PHLDB2: variants seen among roughly 807,000 people sequenced by gnomAD.
PHLDB2 encodes pleckstrin homology-like domain family B member 2.
A neutral mutation model predicts 123.6 loss-of-function variants in PHLDB2; 71 were observed. That is an observed-to-expected ratio of 0.57 (90% confidence interval 0.47 to 0.70). The LOEUF is 0.70. Ranked by LOEUF, PHLDB2 falls within the 30% of genes least tolerant of loss-of-function variation. The pLI is 0.00. For missense variants in PHLDB2, 1,446 were observed against 1,519.5 expected, an observed-to-expected ratio of 0.95 and a Z score of 0.80; for synonymous variants, 547 against 541.6, an observed-to-expected ratio of 1.01 and a Z score of -0.14.
At chr3:111,850,976 A>T (rs1006013845) in intron 2 of PHLDB2, among the ~76,000 whole-genome samples, 9 of 151,856 alleles carry the variant, frequency 5.9e-5, no homozygotes, top group African/African-American at 2.2e-4. Flanking sequence ...CAGGCAGATC[A>T]CGAGGTCAGG....
intron 1 of PHLDB2, among the ~76,000 whole-genome samples, chr3:111,734,178 C>T (rs1418898588): frequency 6.6e-6 from 1 of 152,176 alleles, no homozygotes; most frequent in Non-Finnish European, 1.5e-5. Context: ...AGATATTAAG[C>T]ACTGCAAAAT....
chr3:111,889,979 A>G (rs950327837), intron 2 of PHLDB2, among the ~76,000 whole-genome samples: 1 of 152,180 alleles, frequency 6.6e-6, no homozygotes, highest in Non-Finnish European at 1.5e-5. Context: ...AAAAGTGAAC[A>G]CTAGAACACA....
chr3:111,958,486 A>G (rs1054800056), intron 12 of PHLDB2, among the ~76,000 whole-genome samples: 1 of 152,222 alleles, frequency 6.6e-6, no homozygotes, highest in Non-Finnish European at 1.5e-5. Flanking sequence ...GAGACTTTTC[A>G]GGTCCAATTA....
chr3:111,910,014 T>G (rs1214619673), intron 2 of PHLDB2, among the ~76,000 whole-genome samples: 1 of 152,124 alleles, frequency 6.6e-6, no homozygotes, highest in Non-Finnish European at 1.5e-5. Flanking sequence ...TTGGATGGGT[T>G]TAGGAGATGG....
At chr3:111,758,558 G>A (rs982407594) in intron 1 of PHLDB2, among the ~76,000 whole-genome samples, 6 of 152,284 alleles carry the variant, frequency 3.9e-5, no homozygotes, top group East Asian at 1.9e-4. Context: ...TGCACTTCCC[G>A]AGTGAGGCAA....
chr3:111,900,081 C>T (rs1224328539), intron 2 of PHLDB2, among the ~76,000 whole-genome samples: 1 of 152,208 alleles, frequency 6.6e-6, no homozygotes, highest in Non-Finnish European at 1.5e-5. Flanking sequence ...TTTTCTTCTG[C>T]AGCTTCTTCA....
At chr3:111,867,408 G>A (rs1386297279) in intron 1 of PHLDB2, among the ~76,000 whole-genome samples, 2 of 151,556 alleles carry the variant, frequency 1.3e-5, no homozygotes, top group South Asian at 2.1e-4. Context: ...AAATTTAAAT[G>A]TATACTAAAA....
At chr3:111,733,615 T>A (rs1460924983) in intron 1 of PHLDB2, among the ~76,000 whole-genome samples, 1 of 152,198 alleles carries the variant, frequency 6.6e-6, no homozygotes, top group Non-Finnish European at 1.5e-5. Flanking sequence ...TGGAGGTCTA[T>A]GGGGAAGAAG....
chr3:111,921,005 T>C (rs2107531317), intron 5 of PHLDB2, among the ~76,000 whole-genome samples: 1 of 152,368 alleles, frequency 6.6e-6, no homozygotes, highest in African/African-American at 2.4e-5. Context: ...GAGAAAGCTA[T>C]CTGTGAAACA....
chr3:111,904,684 A>T (rs2067410856), intron 2 of PHLDB2, among the ~76,000 whole-genome samples: 1 of 151,910 alleles, frequency 6.6e-6, no homozygotes, highest in Non-Finnish European at 1.5e-5. Flanking sequence ...GGAGGGAGGG[A>T]CTTGAGTACA....
chr3:111,815,454 G>A (rs946545982), intron 1 of PHLDB2, among the ~76,000 whole-genome samples: 3 of 152,178 alleles, frequency 2.0e-5, no homozygotes, highest in African/African-American at 7.2e-5. Flanking sequence ...CCAGGCTGAG[G>A]TGGTCTCAGA....
intron 1 of PHLDB2, among the ~76,000 whole-genome samples, chr3:111,863,923 C>T (rs539422764): frequency 2.7e-4 from 41 of 152,296 alleles, no homozygotes; most frequent in African/African-American, 8.9e-4. Flanking sequence ...CCATTAGGCT[C>T]ATGATTATAG....
At chr3:111,744,269 G>A (rs1174134456) in intron 1 of PHLDB2, among the ~76,000 whole-genome samples, 1 of 152,166 alleles carries the variant, frequency 6.6e-6, no homozygotes, top group Non-Finnish European at 1.5e-5. Flanking sequence ...TTATGAGATT[G>A]GCAATAATTG....
chr3:111,836,082 A>G, intron 1 of PHLDB2, among the ~76,000 whole-genome samples: 1 of 152,216 alleles, frequency 6.6e-6, no homozygotes, highest in Middle Eastern at 3.2e-3. Context: ...AGACATGCCA[A>G]TGTCCTTTCA....
intron 1 of PHLDB2, among the ~76,000 whole-genome samples, chr3:111,834,153 A>ATATAT (rs1204590235): frequency 1.3e-5 from 1 of 75,214 alleles, no homozygotes; most frequent in Non-Finnish European, 2.6e-5. Flanking sequence ...ATAGAATTAT[A>ATATAT]TATATTATAT....
chr3:111,967,745 A>T lies in PHLDB2; in HGVS notation c.3236A>T (p.Lys1079Ile). The T allele has an allele frequency of 2.5e-6, 4 of 1,613,148 alleles. No homozygotes were observed. Among genetic ancestry groups the T allele is most frequent in the Non-Finnish European group, 3.4e-6 (4 of 1,179,694 alleles). ...AAACGACGCCGGGAAATCCTGGAAA[A>T]ACGATTACAGGAAGAAACTAGCCAG... ...EEKRRREILEKRLQEETSQRQ... is the reference protein window; with the variant it reads ...EEKRRREILEIRLQEETSQRQ... Residue 1079 changes from lysine to isoleucine, a missense_variant, in exon 15 of 18, where the codon AAA (lysine) becomes ATA (isoleucine). This residue lies in a region of PHLDB2 where 594 missense variants were observed against 646.0 expected (regional missense o/e 0.92). Transcript: ENST00000431670.
intron 2 of PHLDB2, among the ~76,000 whole-genome samples, chr3:111,852,771 C>T (rs2064316204): frequency 6.6e-6 from 1 of 151,896 alleles, no homozygotes; most frequent in African/African-American, 2.4e-5. Context: ...CACACACACA[C>T]ACACACACAC....
intron 1 of PHLDB2, among the ~76,000 whole-genome samples, chr3:111,751,741 T>C (rs576511536): frequency 4.6e-5 from 7 of 151,002 alleles, no homozygotes; most frequent in African/African-American, 1.5e-4. Context: ...TAATGCTAAA[T>C]GACGAGTTAA....
intron 1 of PHLDB2, among the ~76,000 whole-genome samples, chr3:111,823,891 G>T (rs901252191): frequency 6.6e-6 from 1 of 152,122 alleles, no homozygotes; most frequent in African/African-American, 2.4e-5. Context: ...GATGGTGGAG[G>T]GGGTACAGAC....
Sources: allele counts gnomAD v4.1 joint callset (sites outside exome capture counted in the v4.1 genomes callset), GRCh38; gene constraint gnomAD v4.1.1; regional missense constraint gnomAD v4.1.1; transcripts MANE v1.5; gene names NCBI Gene and HGNC (gene_info 2026-07-23, HGNC 2026-07-21).